Variants in PRKG1 observed in about 807,000 individuals in gnomAD.
PRKG1 encodes cGMP-dependent protein kinase 1.
Under a neutral mutation model 88.1 loss-of-function variants are expected in PRKG1, and 35 were observed. The ratio of observed to expected loss-of-function variants is 0.40; its 90% confidence interval spans 0.30 to 0.53. The LOEUF (loss-of-function observed/expected upper bound fraction) is 0.53. Among genes scored for constraint, PRKG1 ranks in the 20% least tolerant of loss-of-function variants. PRKG1 has a pLI of 0.59. For missense variants in PRKG1, 540 were observed against 839.8 expected (o/e 0.64, Z 4.41); for synonymous variants, 303 against 292.5 (o/e 1.04, Z -0.37).
At chr10:51,047,904 T>A (rs560224097) in intron 1 of PRKG1, among the ~76,000 whole-genome samples, 15 of 152,330 alleles carry the variant, frequency 9.8e-5, no homozygotes, top group African/African-American at 3.4e-4. Context: ...ATGCTTGGCC[T>A]GCTTTATTGA....
At chr10:51,790,322 A>G (rs1291524409) in intron 3 of PRKG1, among the ~76,000 whole-genome samples, 1 of 152,078 alleles carries the variant, frequency 6.6e-6, no homozygotes, top group Non-Finnish European at 1.5e-5. Flanking sequence ...TCTGTTTCCT[A>G]TGTACTTATA....
chr10:51,854,149 GTCAC>G (rs1840623360), intron 4 of PRKG1, among the ~76,000 whole-genome samples: 1 of 152,070 alleles, frequency 6.6e-6, no homozygotes, highest in Non-Finnish European at 1.5e-5. Flanking sequence ...ACGAGTCATA[GTCAC>G]TCAGTCATTT....
chr10:51,991,962 A>G (rs1305493560), intron 5 of PRKG1, among the ~76,000 whole-genome samples: 1 of 152,208 alleles, frequency 6.6e-6, no homozygotes, highest in Non-Finnish European at 1.5e-5. Context: ...CTATTTATGC[A>G]ATTATTGTAT....
intron 7 of PRKG1, among the ~76,000 whole-genome samples, chr10:52,099,515 T>C (rs1847248400): frequency 6.6e-6 from 1 of 152,186 alleles, no homozygotes; most frequent in Non-Finnish European, 1.5e-5. Flanking sequence ...TGGATCCTCT[T>C]TTCTCTATGG....
intron 5 of PRKG1, among the ~76,000 whole-genome samples, chr10:51,985,634 A>T (rs1325438251): frequency 6.6e-6 from 1 of 152,198 alleles, no homozygotes; most frequent in South Asian, 2.1e-4. Context: ...GTTTGCATCT[A>T]ATTAATATTT....
At chr10:51,660,534 A>G (rs1180932051) in intron 3 of PRKG1, among the ~76,000 whole-genome samples, 1 of 152,112 alleles carries the variant, frequency 6.6e-6, no homozygotes, top group Admixed American at 6.6e-5. Context: ...GTATTTTTCA[A>G]CCTAATTACG....
chr10:51,643,392 C>A (rs1216364625), intron 3 of PRKG1, among the ~76,000 whole-genome samples: 1 of 152,120 alleles, frequency 6.6e-6, no homozygotes, highest in Non-Finnish European at 1.5e-5. Flanking sequence ...AATTTCCATG[C>A]TAATTTATTA....
chr10:52,222,183 G>A (rs1343781206), intron 9 of PRKG1, among the ~76,000 whole-genome samples: 3 of 152,076 alleles, frequency 2.0e-5, no homozygotes, highest in Non-Finnish European at 2.9e-5. Context: ...ACCAGCAGGG[G>A]TGACCCCTTT....
chr10:51,299,348 G>T (rs1160301555), intron 2 of PRKG1, among the ~76,000 whole-genome samples: 1 of 152,054 alleles, frequency 6.6e-6, no homozygotes, highest in African/African-American at 2.4e-5. Flanking sequence ...TAGGATTACA[G>T]GCATCCTCCA....
chr10:51,186,622 C>T (rs1412637776), intron 2 of PRKG1, among the ~76,000 whole-genome samples: 1 of 151,894 alleles, frequency 6.6e-6, no homozygotes, highest in Non-Finnish European at 1.5e-5. Context: ...TCCAGACTTT[C>T]TAATTTTATA....
chr10:51,417,671 C>T (rs916980043), intron 2 of PRKG1, among the ~76,000 whole-genome samples: 2 of 152,094 alleles, frequency 1.3e-5, no homozygotes, highest in African/African-American at 4.8e-5. Flanking sequence ...GGATATACTT[C>T]TTAGTTCATT....
chr10:51,691,032 TATATC>T (rs1841128154), intron 3 of PRKG1, among the ~76,000 whole-genome samples: 1 of 150,308 alleles, frequency 6.7e-6, no homozygotes, highest in Non-Finnish European at 1.5e-5. Flanking sequence ...ATGAATAATA[TATATC>T]ATATTTTATA....
At chr10:51,219,889 C>T (rs1838482706) in intron 2 of PRKG1, among the ~76,000 whole-genome samples, 1 of 151,918 alleles carries the variant, frequency 6.6e-6, no homozygotes, top group Admixed American at 6.6e-5. Context: ...GGAATGACCC[C>T]CAAGATTCCA....
At chr10:51,501,790 CTTTTTTTT>C (rs5784871) in intron 3 of PRKG1, among the ~76,000 whole-genome samples, 14 of 113,768 alleles carry the variant, frequency 1.2e-4, no homozygotes, top group African/African-American at 3.4e-4. Context: ...ACTTTAGTTT[CTTTTTTTT>C]TTTTTTTTTT....
chr10:51,706,702 G>A (rs1421933567), intron 3 of PRKG1, among the ~76,000 whole-genome samples: 3 of 152,096 alleles, frequency 2.0e-5, no homozygotes, highest in African/African-American at 7.2e-5. Context: ...AGAGCACAGA[G>A]ATTTTAATGT....
At chr10:51,758,437 T>C (rs1262491530) in intron 3 of PRKG1, among the ~76,000 whole-genome samples, 1 of 152,018 alleles carries the variant, frequency 6.6e-6, no homozygotes, top group Non-Finnish European at 1.5e-5. Flanking sequence ...CCTCAGAAAA[T>C]AGAAATTGAC....
chr10:51,826,444 A>T (rs1211715162), intron 4 of PRKG1, among the ~76,000 whole-genome samples: 1 of 152,166 alleles, frequency 6.6e-6, no homozygotes, highest in African/African-American at 2.4e-5. Flanking sequence ...AGTCCTCCAG[A>T]GGATTGAGGA....
intron 2 of PRKG1, among the ~76,000 whole-genome samples, chr10:51,303,486 T>A (rs1337037354): frequency 6.6e-6 from 1 of 151,730 alleles, no homozygotes; most frequent in African/African-American, 2.4e-5. Flanking sequence ...CTCTGCTTGA[T>A]GGAAAACTGA....
chr10:51,972,490 G>T (rs1843734405), intron 5 of PRKG1, among the ~76,000 whole-genome samples: 1 of 152,110 alleles, frequency 6.6e-6, no homozygotes, highest in African/African-American at 2.4e-5. Flanking sequence ...TGATGGCTAA[G>T]AAGTGTACCA....
Sources: allele counts gnomAD v4.1 joint callset (sites outside exome capture counted in the v4.1 genomes callset), GRCh38; gene constraint gnomAD v4.1.1; transcripts MANE v1.5; gene names NCBI Gene and HGNC (gene_info 2026-07-23, HGNC 2026-07-21).